Variants in SETBP1 observed in about 807,000 individuals in gnomAD.
The protein encoded by SETBP1 is SET-binding protein.
SETBP1 carries 9 observed loss-of-function variants against 101.0 expected under a neutral mutation model. The ratio of observed to expected loss-of-function variants is 0.09; its 90% CI spans 0.05 to 0.16. The LOEUF (loss-of-function observed/expected upper bound fraction) is 0.16. Among genes scored for constraint, SETBP1 ranks in the 10% least tolerant of loss-of-function variants. The pLI is 1.00. For synonymous variants in SETBP1, 818 were observed against 788.5 expected (o/e 1.04, Z -0.63); for missense variants, 1,858 against 2,033.8 (o/e 0.91, Z 1.66).
chr18:44,788,183 T>C (rs933815548), intron 2 of SETBP1, among the ~76,000 whole-genome samples: 2 of 152,012 alleles, frequency 1.3e-5, no homozygotes, highest in Non-Finnish European at 2.9e-5. Flanking sequence ...CCATTCCTGA[T>C]GGTCGTAAGA....
intron 2 of SETBP1, among the ~76,000 whole-genome samples, chr18:44,826,443 G>A (rs1255782527): frequency 6.6e-6 from 1 of 152,100 alleles, no homozygotes; most frequent in Admixed American, 6.5e-5. Flanking sequence ...ACCCCAAGGG[G>A]GTTCCAGGGC....
chr18:44,727,339 G>A (rs1309497214), intron 2 of SETBP1, among the ~76,000 whole-genome samples: 1 of 152,050 alleles, frequency 6.6e-6, no homozygotes, highest in East Asian at 1.9e-4. Context: ...CTTGAGGCAG[G>A]GCCTTCCTTC....
intron 4 of SETBP1, among the ~76,000 whole-genome samples, chr18:45,028,586 A>G (rs2073221908): frequency 6.6e-6 from 1 of 152,182 alleles, no homozygotes; most frequent in Non-Finnish European, 1.5e-5. Context: ...GAATCGCCAC[A>G]CTGACTTCCA....
At chr18:44,973,780 C>T (rs766812116) in intron 4 of SETBP1, among the ~76,000 whole-genome samples, 3 of 152,060 alleles carry the variant, frequency 2.0e-5, no homozygotes, top group Admixed American at 6.5e-5. Flanking sequence ...CAGGGATAGC[C>T]GCGGTAAGTG....
intron 4 of SETBP1, among the ~76,000 whole-genome samples, chr18:45,024,530 T>G (rs2073128061): frequency 1.3e-5 from 2 of 152,238 alleles, no homozygotes; most frequent in Non-Finnish European, 2.9e-5. Context: ...ATCTTCACTG[T>G]ACACTTCTGT....
intron 2 of SETBP1, among the ~76,000 whole-genome samples, chr18:44,716,789 CTGACCTCAAG>C (rs1220047562): frequency 6.6e-6 from 1 of 152,134 alleles, no homozygotes; most frequent in Non-Finnish European, 1.5e-5. Flanking sequence ...TCTTGAACTC[CTGACCTCAAG>C]TGATCCACCC....
chr18:44,713,565 A>G (rs2069392883), intron 2 of SETBP1, among the ~76,000 whole-genome samples: 1 of 152,234 alleles, frequency 6.6e-6, no homozygotes, highest in Non-Finnish European at 1.5e-5. Context: ...ATAGAGTACA[A>G]TACTGGGAGG....
intron 2 of SETBP1, among the ~76,000 whole-genome samples, chr18:44,851,414 T>C (rs62090608): frequency 0.012 from 1,882 of 152,272 alleles, 21 homozygotes; most frequent in Non-Finnish European, 0.017. Context: ...TTTAGGGAAA[T>C]GCAACTCAGA....
At chr18:45,013,727 C>T (rs1361059307) in intron 4 of SETBP1, among the ~76,000 whole-genome samples, 1 of 152,162 alleles carries the variant, frequency 6.6e-6, no homozygotes, top group Non-Finnish European at 1.5e-5. Context: ...CATAAGCCAC[C>T]ACACCCAGCC....
intron 4 of SETBP1, among the ~76,000 whole-genome samples, chr18:44,961,234 A>G (rs1249256064): frequency 6.6e-6 from 1 of 152,248 alleles, no homozygotes; most frequent in Non-Finnish European, 1.5e-5. Context: ...GAAATGCTGG[A>G]GAATGAATTT....
At chr18:45,033,572 C>T (rs1454791361) in intron 4 of SETBP1, among the ~76,000 whole-genome samples, 2 of 152,188 alleles carry the variant, frequency 1.3e-5, no homozygotes, top group African/African-American at 4.8e-5. Flanking sequence ...ACCAACCATC[C>T]CAGTGGTGTC....
At chr18:44,854,640 C>A (rs1404765793) in intron 2 of SETBP1, among the ~76,000 whole-genome samples, 5 of 152,202 alleles carry the variant, frequency 3.3e-5, no homozygotes, top group African/African-American at 1.2e-4. Flanking sequence ...AGGCAAAAAC[C>A]CTTGGCATCG....
At chr18:44,955,148 T>A (rs1427693471) in intron 4 of SETBP1, among the ~76,000 whole-genome samples, 1 of 152,242 alleles carries the variant, frequency 6.6e-6, no homozygotes, top group African/African-American at 2.4e-5. Flanking sequence ...TGTTGCTGAG[T>A]GCTGGTTGAC....
At chr18:45,042,363 T>G (rs1352342995) in intron 5 of SETBP1, among the ~76,000 whole-genome samples, 2 of 152,150 alleles carry the variant, frequency 1.3e-5, no homozygotes, top group Non-Finnish European at 2.9e-5. Context: ...TTGGCCAGGC[T>G]GGTCTCGAAC....
intron 5 of SETBP1, among the ~76,000 whole-genome samples, chr18:45,056,798 C>T (rs373401981): frequency 6.6e-6 from 1 of 152,180 alleles, no homozygotes; most frequent in East Asian, 1.9e-4. Flanking sequence ...TACCCCACTG[C>T]TTCACCTCTC....
intron 1 of SETBP1, among the ~76,000 whole-genome samples, chr18:44,696,024 G>T (rs2069011639): frequency 6.6e-6 from 1 of 152,278 alleles, no homozygotes; most frequent in South Asian, 2.1e-4. Flanking sequence ...CAACAGTCAG[G>T]ATGACAATGG....
chr18:44,798,317 G>A (rs10502843), intron 2 of SETBP1, among the ~76,000 whole-genome samples: 20,534 of 152,062 alleles, frequency 0.14, 2,039 homozygotes, highest in African/African-American at 0.28. Context: ...ATCATTTAGT[G>A]GAAGCCATTC....
intron 4 of SETBP1, among the ~76,000 whole-genome samples, chr18:44,976,159 G>A (rs2071983568): frequency 6.6e-6 from 1 of 151,096 alleles, no homozygotes; most frequent in Non-Finnish European, 1.5e-5. Context: ...CTTCTCAACA[G>A]TATTAAGTCC....
At chr18:45,008,190 A>G (rs56336827) in intron 4 of SETBP1, among the ~76,000 whole-genome samples, 8,055 of 152,252 alleles carry the variant, frequency 0.053, 248 homozygotes, top group South Asian at 0.11. Flanking sequence ...ACCCAGTTCT[A>G]TCTTGTCCCT....
Sources: allele counts gnomAD v4.1 joint callset (sites outside exome capture counted in the v4.1 genomes callset), GRCh38; gene constraint gnomAD v4.1.1; transcripts MANE v1.5; gene names NCBI Gene and HGNC (gene_info 2026-07-23, HGNC 2026-07-21).